Variants in ATP2B4 observed in about 807,000 individuals in gnomAD.
The protein encoded by ATP2B4 is plasma membrane calcium-transporting ATPase 4.
A neutral mutation model predicts 110.3 loss-of-function variants in ATP2B4; 39 were observed. The ratio of observed to expected loss-of-function variants is 0.35; its 90% CI spans 0.27 to 0.46. ATP2B4 has a LOEUF of 0.46. Ranked by LOEUF, ATP2B4 falls within the 20% of genes least tolerant of loss-of-function variation. The pLI is 1.00. For synonymous variants in ATP2B4, 538 were observed against 571.7 expected (o/e 0.94, Z 0.84); for missense variants, 1,135 against 1,530.9 (o/e 0.74, Z 4.32).
chr1:203,715,158 C>T (rs1169363204), intron 15 of ATP2B4, among the ~76,000 whole-genome samples: 29 of 151,874 alleles, frequency 1.9e-4, no homozygotes, highest in Admixed American at 1.8e-3. Context: ...ACCTGTAATC[C>T]CAGCTACTCG....
At chr1:203,705,232 G>T (rs1233359339) in intron 8 of ATP2B4, among the ~76,000 whole-genome samples, 1 of 152,198 alleles carries the variant, frequency 6.6e-6, no homozygotes, top group Non-Finnish European at 1.5e-5. Flanking sequence ...ACCTCTTCAT[G>T]TCCATTCTGG....
At chr1:203,679,233 T>C (rs1047349575) in intron 1 of ATP2B4, among the ~76,000 whole-genome samples, 1 of 152,130 alleles carries the variant, frequency 6.6e-6, no homozygotes, top group Middle Eastern at 3.2e-3. Context: ...TCTTTGGCAG[T>C]TGCCTAATCA....
intron 1 of ATP2B4, among the ~76,000 whole-genome samples, chr1:203,671,955 T>C (rs1664675843): frequency 6.6e-6 from 1 of 151,830 alleles, no homozygotes; most frequent in Admixed American, 6.6e-5. Flanking sequence ...GCTTCGAAGC[T>C]CTCCTCCCAC....
chr1:203,687,448 G>A (rs1357991815), intron 2 of ATP2B4, among the ~76,000 whole-genome samples: 3 of 152,110 alleles, frequency 2.0e-5, no homozygotes, highest in Non-Finnish European at 4.4e-5. Context: ...TTCATGGAAG[G>A]CCACACAGCC....
intron 1 of ATP2B4, among the ~76,000 whole-genome samples, chr1:203,667,064 A>G (rs1018424368): frequency 6.6e-6 from 1 of 152,058 alleles, no homozygotes; most frequent in Non-Finnish European, 1.5e-5. Flanking sequence ...AGATCCTCCC[A>G]CCTCAGCCTC....
intron 1 of ATP2B4, among the ~76,000 whole-genome samples, chr1:203,674,943 AGG>A (rs1664786721): frequency 6.6e-6 from 1 of 152,156 alleles, no homozygotes. Context: ...TCCTGACCTC[AGG>A]TGATCTGCCC....
chr1:203,648,438 G>A (rs1663874900), intron 1 of ATP2B4, among the ~76,000 whole-genome samples: 1 of 152,186 alleles, frequency 6.6e-6, no homozygotes, highest in Non-Finnish European at 1.5e-5. Context: ...AGATGGGAAA[G>A]TCCCTGTGCT....
chr1:203,702,272 A>T (rs1393130299), intron 7 of ATP2B4, among the ~76,000 whole-genome samples, 193 bp downstream of exon 7: 2 of 152,108 alleles, frequency 1.3e-5, no homozygotes, highest in African/African-American at 4.8e-5. Flanking sequence ...CTAAGATGGG[A>T]CAACAGCACC....
At chr1:203,722,803 A>C in intron 18 of ATP2B4, 114 bp downstream of exon 18, 1 of 987,610 alleles carries the variant, frequency 1.0e-6, no homozygotes, top group Non-Finnish European at 1.5e-6. Context: ...CGGGGACTGG[A>C]GCTGTAAGTT....
intron 18 of ATP2B4, 111 bp from the exon 19 acceptor site, chr1:203,723,770 T>A: frequency 1.2e-6 from 1 of 809,164 alleles, no homozygotes; most frequent in Non-Finnish European, 1.9e-6. Context: ...TCGGGACTTG[T>A]ACCCAAGGAT....
intron 1 of ATP2B4, among the ~76,000 whole-genome samples, chr1:203,650,171 G>C (rs1286169415): frequency 6.6e-6 from 1 of 152,190 alleles, no homozygotes; most frequent in Admixed American, 6.5e-5. Flanking sequence ...TGCCTGCCCC[G>C]TAAAGCTTGG....
chr1:203,632,899 A>C (rs966379250), intron 1 of ATP2B4, among the ~76,000 whole-genome samples: 1 of 152,016 alleles, frequency 6.6e-6, no homozygotes, highest in African/African-American at 2.4e-5. Flanking sequence ...GGGGAAGGGG[A>C]AAAAGAATCT....
At chr1:203,732,609 A>G (rs896666370) in intron 20 of ATP2B4, among the ~76,000 whole-genome samples, 2 of 152,144 alleles carry the variant, frequency 1.3e-5, no homozygotes, top group African/African-American at 4.8e-5. Context: ...TTTCCTGGAA[A>G]ATCCGCAAAA....
chr1:203,705,757 C>A (rs1340093633), intron 8 of ATP2B4, among the ~76,000 whole-genome samples: 1 of 152,182 alleles, frequency 6.6e-6, no homozygotes, highest in Non-Finnish European at 1.5e-5. Flanking sequence ...TACCTGATGG[C>A]TGGCCACTAG....
At chr1:203,689,820 G>A (rs1031113243) in intron 2 of ATP2B4, among the ~76,000 whole-genome samples, 11 of 152,196 alleles carry the variant, frequency 7.2e-5, no homozygotes, top group South Asian at 4.1e-4. Context: ...GAAGAGCAGC[G>A]TCTATGGGAA....
At chr1:203,684,703 G>T (rs559286521) in intron 2 of ATP2B4, among the ~76,000 whole-genome samples, 30 of 152,150 alleles carry the variant, frequency 2.0e-4, no homozygotes, top group Non-Finnish European at 3.7e-4. Context: ...AAGGAAATGG[G>T]ATGCTAAATC....
chr1:203,674,454 C>T (rs1664768235), intron 1 of ATP2B4, among the ~76,000 whole-genome samples: 1 of 151,000 alleles, frequency 6.6e-6, no homozygotes, highest in Non-Finnish European at 1.5e-5. Flanking sequence ...GGCTCTGGGC[C>T]TAAGGGACTG....
chr1:203,690,946 T>G (rs1037018950), intron 2 of ATP2B4, among the ~76,000 whole-genome samples: 2 of 152,156 alleles, frequency 1.3e-5, no homozygotes, highest in African/African-American at 4.8e-5. Context: ...CCTGTCTGGT[T>G]TGAGTTTCAT....
At position 203,706,667 on chromosome 1, in the gene ATP2B4, A is replaced by C. The variant is rs190635532; in HGVS notation, c.1100-342A>C. On this transcript the variant is annotated intron_variant, in intron 8 of 20. Transcript: ENST00000357681. ...GAGAGGGTGGGCGTGGAATAGGATC[A>C]TAGAAAGCTGTTTCAGGAAACAGAT... Among the ~76,000 whole-genome samples the C allele has an allele frequency of 4.7e-4, 71 of 152,332 alleles. No homozygotes were observed. The East Asian group carries it at 0.013, about 28-fold the overall frequency.
Sources: allele counts gnomAD v4.1 joint callset (sites outside exome capture counted in the v4.1 genomes callset), GRCh38; gene constraint gnomAD v4.1.1; transcripts MANE v1.5; gene names NCBI Gene and HGNC (gene_info 2026-07-23, HGNC 2026-07-21).